Variants in DMD observed in about 807,000 individuals in gnomAD.
The protein encoded by DMD is dystrophin, also known as mutant dystrophin.
In DMD, 63 loss-of-function variants were observed where a neutral mutation model predicts 330.1. The ratio of observed to expected loss-of-function variants is 0.19; its 90% CI spans 0.16 to 0.24. The LOEUF (loss-of-function observed/expected upper bound fraction) is 0.24, where lower values mean the gene tolerates loss of function less well. Ranked by LOEUF, DMD falls within the 10% of genes least tolerant of loss-of-function variation. The probability of loss-of-function intolerance (pLI) is 1.00; values close to 1 mark genes in which losing one functional copy is unlikely to be tolerated. For missense variants in DMD, 3,344 were observed against 2,684.1 expected, an observed-to-expected ratio of 1.25 and a Z score of -5.43; for synonymous variants, 1,223 against 959.8, an observed-to-expected ratio of 1.27 and a Z score of -5.07.
At chrX:32,698,348 CAG>C (rs1245157402) in intron 8 of DMD, among the ~76,000 whole-genome samples, 1 of 111,379 alleles carries the variant, frequency 9.0e-6, no homozygotes, top group Non-Finnish European at 1.9e-5. Context: ...TAAATAAAAA[CAG>C]AATTCATCAG....
At chrX:33,202,370 C>A (rs1468996011) in intron 1 of DMD, among the ~76,000 whole-genome samples, 10 of 111,590 alleles carry the variant, frequency 9.0e-5, no homozygotes, top group African/African-American at 3.2e-4. Flanking sequence ...ACTTAATCTC[C>A]CTGTACCTCT....
At chrX:31,677,313 T>A (rs985000245) in intron 53 of DMD, among the ~76,000 whole-genome samples, 28 of 111,595 alleles carry the variant, frequency 2.5e-4, no homozygotes, top group Non-Finnish European at 1.3e-4. Flanking sequence ...TTATTTCTCA[T>A]TTGCTAACTA....
At chrX:31,798,250 C>T (rs191030159) in intron 50 of DMD, among the ~76,000 whole-genome samples, 1 of 110,788 alleles carries the variant, frequency 9.0e-6, no homozygotes, top group Non-Finnish European at 1.9e-5. Context: ...CATAAATTTA[C>T]CCAGTGGGTT....
chrX:32,660,695 A>C (rs2060889199), intron 9 of DMD, among the ~76,000 whole-genome samples: 1 of 111,266 alleles, frequency 9.0e-6, no homozygotes, highest in African/African-American at 3.3e-5. Context: ...TTTGGAAATA[A>C]TTTGAGAAAT....
At chrX:31,830,410 C>T (rs776176762) in intron 49 of DMD, among the ~76,000 whole-genome samples, 8 of 111,829 alleles carry the variant, frequency 7.2e-5, no homozygotes, top group African/African-American at 2.3e-4. Flanking sequence ...GCTTGACCAA[C>T]GTGGAGAAAC....
chrX:32,696,192 T>A (rs1485017572), intron 9 of DMD, among the ~76,000 whole-genome samples: 1 of 111,663 alleles, frequency 9.0e-6, no homozygotes, highest in Non-Finnish European at 1.9e-5. Flanking sequence ...CTGTCTTGAG[T>A]TCCTTTGAAG....
chrX:31,369,679 G>C lies in DMD; in HGVS notation c.9085-21045C>G, dbSNP rs1310754654. On this transcript the variant is annotated intron_variant, in intron 60 of 78. Transcript: ENST00000357033. Reference sequence around the variant, plus strand: ...GAGGTGTCTGTGGGACATTCAGGTTGTGGTGGACAAGAAACATAGAAGGTG... The same window carrying C: ...GAGGTGTCTGTGGGACATTCAGGTTCTGGTGGACAAGAAACATAGAAGGTG... Among the ~76,000 whole-genome samples, 3 of 110,986 alleles carry C rather than the reference G, an allele frequency of 2.7e-5. No individual in the cohort carries two copies. In the East Asian group the frequency reaches 8.5e-4, roughly 31 times the overall value.
At chrX:31,659,962 CAG>C (rs1481573823) in intron 53 of DMD, among the ~76,000 whole-genome samples, 4 of 111,893 alleles carry the variant, frequency 3.6e-5, no homozygotes, top group Non-Finnish European at 7.5e-5. Flanking sequence ...AAAAATCAAA[CAG>C]TGTTCTTAGC....
Position 31,507,428 on chromosome X carries a change from T to A in DMD, c.8243A>T (p.His2748Leu). 8.3e-7 allele frequency: 1 copy of A among 1,208,425 alleles called. No individual in the cohort carries two copies. Among genetic ancestry groups the A allele is most frequent in the Non-Finnish European group, 1.1e-6 (1 of 893,367 alleles). The part of the protein sequence containing the change: ...WQDLQGEIEA[H>L]TDVYHNLDEN... ...ATCCAGGTTGTGATAAACATCTGTG[T>A]GAGCTTCAATTTCACCTTGGAGGTC... The change falls in exon 56 of 79, where the codon CAC becomes CTC. Residue 2748 changes from histidine (H) to leucine (L), a missense_variant. Coordinates refer to ENST00000357033, the MANE Select transcript of DMD (RefSeq NM_004006.3).
chrX:32,087,238 G>T (rs754082539), intron 44 of DMD, among the ~76,000 whole-genome samples: 19 of 111,651 alleles, frequency 1.7e-4, no homozygotes, highest in African/African-American at 6.2e-4. Context: ...GGATGTTGAC[G>T]GTATTTCCCA....
intron 47 of DMD, among the ~76,000 whole-genome samples, chrX:31,921,019 A>G (rs1446264036): frequency 8.9e-6 from 1 of 111,908 alleles, no homozygotes; most frequent in Non-Finnish European, 1.9e-5. Context: ...AGGTTTCCTA[A>G]TAGAAAATTA....
At chrX:31,226,964 T>C (rs1156360800) in intron 63 of DMD, among the ~76,000 whole-genome samples, 2 of 112,166 alleles carry the variant, frequency 1.8e-5, no homozygotes, top group Admixed American at 9.5e-5. Flanking sequence ...CCTTTACTTA[T>C]GCAAAAGTAT....
chrX:32,304,413 T>A (rs192070456), intron 42 of DMD, among the ~76,000 whole-genome samples: 128 of 111,032 alleles, frequency 1.2e-3, no homozygotes, highest in African/African-American at 3.8e-3. Context: ...GGACAACTGC[T>A]AGGCTTGATA....
intron 51 of DMD, among the ~76,000 whole-genome samples, chrX:31,750,460 T>C (rs1272826448): frequency 9.0e-6 from 1 of 110,745 alleles, no homozygotes; most frequent in East Asian, 2.8e-4. Flanking sequence ...GTGGTAGATA[T>C]GCGGCGTTAC....
intron 52 of DMD, among the ~76,000 whole-genome samples, chrX:31,684,824 T>G (rs1698663091): frequency 8.9e-6 from 1 of 112,139 alleles, no homozygotes; most frequent in Admixed American, 9.5e-5. Flanking sequence ...ATCTTTCAAC[T>G]GTTTAATGAC....
At chrX:31,741,780 T>C (rs5927828) in intron 51 of DMD, among the ~76,000 whole-genome samples, 24,105 of 110,053 alleles carry the variant, frequency 0.22, 2,068 homozygotes, top group East Asian at 0.51. Context: ...CACAAGACAG[T>C]CAGCCTGTCC....
intron 1 of DMD, among the ~76,000 whole-genome samples, chrX:33,205,847 G>T (rs1403271844): frequency 1.8e-5 from 2 of 111,804 alleles, no homozygotes; most frequent in Non-Finnish European, 3.8e-5. Flanking sequence ...ATTAGCAAGA[G>T]ACTTCGTGAT....
At chrX:32,900,079 C>T (rs1881541942) in intron 2 of DMD, among the ~76,000 whole-genome samples, 1 of 112,059 alleles carries the variant, frequency 8.9e-6, no homozygotes, top group African/African-American at 3.2e-5. Context: ...ATCGGTATTC[C>T]TATTTAACTT....
chrX:31,178,157 G>C (rs767453374), intron 70 of DMD, 187 bp from the exon 71 acceptor site: 2 of 750,051 alleles, frequency 2.7e-6, no homozygotes, highest in African/African-American at 4.6e-5. Flanking sequence ...TCAGAGTTAA[G>C]GCAAAAAAGA....
Sources: allele counts gnomAD v4.1 joint callset (sites outside exome capture counted in the v4.1 genomes callset), GRCh38; gene constraint gnomAD v4.1.1; transcripts MANE v1.5; gene names NCBI Gene and HGNC (gene_info 2026-07-23, HGNC 2026-07-21).